Variants in PLXNA4 observed in about 807,000 individuals in gnomAD.
PLXNA4 encodes the protein plexin-A4.
PLXNA4 carries 44 observed loss-of-function variants against 191.8 expected under a neutral mutation model. The ratio of observed to expected loss-of-function variants is 0.23; its 90% confidence interval spans 0.18 to 0.29. The LOEUF (loss-of-function observed/expected upper bound fraction) is 0.29, where lower values mean the gene tolerates loss of function less well. Among genes scored for constraint, PLXNA4 ranks in the 10% least tolerant of loss-of-function variants. The pLI, the probability that PLXNA4 is intolerant of heterozygous loss-of-function variation, is 1.00. For missense variants in PLXNA4, 1,800 were observed against 2,488.8 expected (o/e 0.72, Z 5.89); for synonymous variants, 1,082 against 1,009.5 (o/e 1.07, Z -1.36).
At chr7:132,463,178 T>G (rs1282040897) in intron 3 of PLXNA4, among the ~76,000 whole-genome samples, 1 of 152,016 alleles carries the variant, frequency 6.6e-6, no homozygotes, top group African/African-American at 2.4e-5. Flanking sequence ...ACAATCAACA[T>G]TATAAAAAAT....
intron 3 of PLXNA4, among the ~76,000 whole-genome samples, chr7:132,356,589 G>A (rs1337361880): frequency 6.6e-6 from 1 of 152,226 alleles, no homozygotes; most frequent in Non-Finnish European, 1.5e-5. Context: ...GGCCAGATCT[G>A]CATCCACCGC....
intron 15 of PLXNA4, among the ~76,000 whole-genome samples, chr7:132,186,529 C>T (rs1297441043): frequency 6.6e-6 from 1 of 152,124 alleles, no homozygotes; most frequent in African/African-American, 2.4e-5. Flanking sequence ...CAGACTGAGC[C>T]CAAATCCTCT....
At chr7:132,374,585 G>T (rs1348995164) in intron 3 of PLXNA4, among the ~76,000 whole-genome samples, 1 of 152,146 alleles carries the variant, frequency 6.6e-6, no homozygotes, top group Non-Finnish European at 1.5e-5. Context: ...GTATCTGTGG[G>T]TCCCAGGAGC....
chr7:132,577,687 T>A (rs1268980580), upstream of PLXNA4, among the ~76,000 whole-genome samples: 1 of 151,950 alleles, frequency 6.6e-6, no homozygotes, highest in Non-Finnish European at 1.5e-5. Flanking sequence ...GGGGCATACA[T>A]GGGTGACCGG....
In PLXNA4 at chr7:132,228,385, G is replaced by C. The variant is rs1281218100; in HGVS notation, c.1689C>G (p.Val563=). The C allele has an allele frequency of 6.2e-7, 1 of 1,614,154 alleles. No individual in the cohort carries two copies. The highest frequency in any genetic ancestry group is 1.7e-5 in the Admixed American group (1 of 60,018). The change falls in exon 6 of 32, where the codon GTC becomes GTG. Residue 563 remains valine, a synonymous_variant. Coordinates refer to ENST00000321063, the MANE Select transcript of PLXNA4 (RefSeq NM_020911.2). ...GAGAGACGGAGATATTGTTGGGATGGACCGTCAGCCGGACACACTGCTTCA... is the reference window on the plus strand; with the variant it reads ...GAGAGACGGAGATATTGTTGGGATGCACCGTCAGCCGGACACACTGCTTCA... The part of the protein sequence containing the change: ...SEMKQCVRLT[V]HPNNISVSQY...
At chr7:132,259,388 A>G (rs1584911821) in intron 4 of PLXNA4, among the ~76,000 whole-genome samples, 1 of 134,952 alleles carries the variant, frequency 7.4e-6, no homozygotes, top group East Asian at 2.4e-4. Context: ...GTGAGCCAAG[A>G]TGGTGTCACT....
chr7:132,602,752 G>T (rs144931679), intron 2 of PLXNA4, among the ~76,000 whole-genome samples: 24 of 152,284 alleles, frequency 1.6e-4, no homozygotes, highest in African/African-American at 5.3e-4. Context: ...ATGAGAATCA[G>T]CCATTGATAC....
At chr7:132,369,007 G>A (rs1031545718) in intron 3 of PLXNA4, among the ~76,000 whole-genome samples, 3 of 152,176 alleles carry the variant, frequency 2.0e-5, no homozygotes, top group African/African-American at 4.8e-5. Context: ...TTCAGACCAT[G>A]CCATTTCTCT....
intron 2 of PLXNA4, among the ~76,000 whole-genome samples, chr7:132,636,977 A>G (rs1803621320): frequency 6.6e-6 from 1 of 152,188 alleles, no homozygotes; most frequent in East Asian, 1.9e-4. Context: ...CCTCCCTCCC[A>G]GGAAGCTATT....
At chr7:132,529,038 T>A (rs997386786) in intron 1 of PLXNA4, among the ~76,000 whole-genome samples, 2 of 152,246 alleles carry the variant, frequency 1.3e-5, no homozygotes, top group African/African-American at 4.8e-5. Context: ...ACTCCAGCAA[T>A]GAATAAGATG....
intron 20 of PLXNA4, among the ~76,000 whole-genome samples, chr7:132,175,994 A>T (rs1796444233): frequency 6.6e-6 from 1 of 152,238 alleles, no homozygotes; most frequent in Non-Finnish European, 1.5e-5. Context: ...AGCCTCAAAA[A>T]GCAAGCCCAG....
chr7:132,146,453 A>G (rs1795436893), intron 28 of PLXNA4, 57 bp downstream of exon 28: 3 of 1,614,008 alleles, frequency 1.9e-6, no homozygotes, highest in Non-Finnish European at 2.5e-6. Flanking sequence ...CTGTGGGCTG[A>G]TGAAGTCCCT....
At chr7:132,621,767 C>G (rs1040601205) in intron 2 of PLXNA4, among the ~76,000 whole-genome samples, 5 of 152,194 alleles carry the variant, frequency 3.3e-5, no homozygotes, top group Admixed American at 2.0e-4. Flanking sequence ...ATGAAAGAAC[C>G]AGTTTCCCTA....
intron 3 of PLXNA4, among the ~76,000 whole-genome samples, chr7:132,315,732 G>A (rs1391809165): frequency 6.6e-6 from 1 of 152,206 alleles, no homozygotes; most frequent in African/African-American, 2.4e-5. Context: ...CTTCCCAGAA[G>A]AGTGGCAATG....
intron 3 of PLXNA4, among the ~76,000 whole-genome samples, chr7:132,302,962 T>C (rs1801364047): frequency 6.6e-6 from 1 of 152,106 alleles, no homozygotes; most frequent in Non-Finnish European, 1.5e-5. Flanking sequence ...CTGTAACCTC[T>C]GCCTCCTGGG....
Position 132,164,205 on chromosome 7 carries a change from G to A in PLXNA4, c.4437C>T (p.Gly1479=), listed in dbSNP as rs762377518. 14 of 1,614,102 alleles carry A rather than the reference G, an allele frequency of 8.7e-6. No homozygotes were observed. The highest frequency in any genetic ancestry group is 6.7e-5 in the Admixed American group (4 of 60,010). Residue 1479 remains glycine (G), a synonymous_variant, in exon 24 of 32, where the codon GGC becomes GGT. Coordinates refer to ENST00000321063, the MANE Select transcript of PLXNA4 (RefSeq NM_020911.2). The stretch of plus-strand genomic sequence containing the variant: ...CCTCGCTCAAGGAGTAGCGGGCCTC[G>A]CCCGTGATGGCGTCAATGGGGCCCT... ...MEKGPIDAIT[G]EARYSLSEDK... is the part of the protein sequence containing the mutation.
upstream of PLXNA4, among the ~76,000 whole-genome samples, chr7:132,579,438 CGTGT>C (rs113591004): frequency 7.7e-4 from 112 of 145,458 alleles, 1 homozygote; most frequent in African/African-American, 2.5e-3. Flanking sequence ...TGTGTGTGTG[CGTGT>C]GTGTGTGTGT....
intron 4 of PLXNA4, among the ~76,000 whole-genome samples, chr7:132,287,792 T>C (rs1165900812): frequency 2.6e-5 from 4 of 152,188 alleles, no homozygotes; most frequent in Non-Finnish European, 5.9e-5. Flanking sequence ...CAGGGCTCCA[T>C]GTACCCCGGG....
intron 2 of PLXNA4, among the ~76,000 whole-genome samples, chr7:132,636,301 G>A (rs1045628284): frequency 1.8e-4 from 27 of 152,356 alleles, no homozygotes; most frequent in African/African-American, 6.0e-4. Context: ...ACCAGGCAGA[G>A]GGCAGAGGAG....
Sources: gnomAD v4.1 joint callset for allele counts (sites outside exome capture counted in the v4.1 genomes callset) on GRCh38, gnomAD v4.1.1 for gene constraint, MANE v1.5 for transcripts, NCBI Gene and HGNC (gene_info 2026-07-23, HGNC 2026-07-21) for gene names.